Variants in SENP1 observed in about 807,000 individuals in gnomAD.
SENP1 encodes SUMO specific peptidase 1, also known as sentrin-specific protease 1.
Under a neutral mutation model 93.0 loss-of-function variants are expected in SENP1, and 21 were observed. The ratio of observed to expected loss-of-function variants is 0.23; its 90% CI spans 0.16 to 0.33. The LOEUF is 0.33. Among genes scored for constraint, SENP1 ranks in the 10% least tolerant of loss-of-function variants. The pLI is 1.00. For missense variants in SENP1, 591 were observed against 758.7 expected, an observed-to-expected ratio of 0.78 and a Z score of 2.60; for synonymous variants, 256 against 259.6, an observed-to-expected ratio of 0.99 and a Z score of 0.13.
At position 48,063,817 on chromosome 12, in the gene SENP1, C is replaced by T. The variant is rs1334861064; in HGVS notation, c.1300G>A (p.Val434Ile). 1 of 1,611,904 alleles carries T rather than the reference C, an allele frequency of 6.2e-7. No individual in the cohort carries two copies. Among genetic ancestry groups the T allele is most frequent in the Non-Finnish European group, 8.5e-7 (1 of 1,179,142 alleles). Residue 434 changes from valine to isoleucine, a missense_variant, in exon 13 of 18, where the codon GTA (valine) becomes ATA (isoleucine). Transcript: ENST00000549518. ...TEEMEKEIKN[V>I]FRNGNQDEVL... The stretch of plus-strand genomic sequence containing the variant: ...TCATCCTGATTCCCATTACGAAATA[C>T]ATTCTTTATTTCTTTCTCCATTTCC...
intron 6 of SENP1, among the ~76,000 whole-genome samples, chr12:48,077,147 GT>G (rs1944150696): frequency 6.6e-6 from 1 of 152,126 alleles, no homozygotes; most frequent in African/African-American, 2.4e-5. Context: ...TGTTTTCTTG[GT>G]ATTGAGTTGA....
At chr12:48,068,596 G>A (rs1377407588) in intron 9 of SENP1, among the ~76,000 whole-genome samples, 2 of 151,960 alleles carry the variant, frequency 1.3e-5, no homozygotes, top group Admixed American at 1.3e-4. Flanking sequence ...ATAGATGAAA[G>A]CATTAAAAAA....
chr12:48,058,628 T>C (rs996364932), intron 13 of SENP1, among the ~76,000 whole-genome samples: 4 of 152,186 alleles, frequency 2.6e-5, no homozygotes, highest in Non-Finnish European at 5.9e-5. Flanking sequence ...TTTGTCTCCT[T>C]CTTTGTGCTG....
intron 13 of SENP1, among the ~76,000 whole-genome samples, chr12:48,053,354 T>C (rs1355489108): frequency 6.6e-6 from 1 of 151,956 alleles, no homozygotes; most frequent in Non-Finnish European, 1.5e-5. Flanking sequence ...GGCACATTCC[T>C]GTGGTCCCAG....
intron 5 of SENP1, among the ~76,000 whole-genome samples, chr12:48,087,783 T>C (rs561106898): frequency 2.6e-5 from 4 of 152,218 alleles, no homozygotes; most frequent in Non-Finnish European, 4.4e-5. Flanking sequence ...AAAGCCATCT[T>C]GTTGGCTTCT....
In SENP1 at chr12:48,082,552, C is replaced by CTGGAAGCTCTAATGCTATT. The variant is rs542623791; in HGVS notation, c.552+1020_552+1038dup. Among the ~76,000 whole-genome samples the CTGGAAGCTCTAATGCTATT allele has an allele frequency of 4.7e-3, 718 of 152,306 alleles. 7 individuals are homozygous for CTGGAAGCTCTAATGCTATT. The highest frequency in any genetic ancestry group is 0.015 in the African/African-American group (643 of 41,550). ...AACAATAATACACGTGGAAAGTACA[C>CTGGAAGCTCTAATGCTATT]TGGAAGCTCTAATGCTATTTAAATG... On this transcript the variant is annotated intron_variant, in intron 6 of 17. Transcript: ENST00000549518.
intron 6 of SENP1, among the ~76,000 whole-genome samples, chr12:48,082,647 A>T (rs2137126471): frequency 6.6e-6 from 1 of 152,360 alleles, no homozygotes; most frequent in South Asian, 2.1e-4. Context: ...TATGTAATCT[A>T]ACAGATATGT....
intron 5 of SENP1, among the ~76,000 whole-genome samples, chr12:48,084,451 T>TTTTG: frequency 8.8e-6 from 1 of 114,098 alleles, no homozygotes; most frequent in East Asian, 2.0e-4. Flanking sequence ...TTTTGAGTTT[T>TTTTG]TTTTTTTTTT....
intron 4 of SENP1, among the ~76,000 whole-genome samples, chr12:48,090,397 A>G (rs942272863): frequency 6.6e-6 from 1 of 152,234 alleles, no homozygotes; most frequent in African/African-American, 2.4e-5. Context: ...TTTGAGACCA[A>G]GGATAAGTCA....
At chr12:48,070,327 A>T (rs769440391) in intron 9 of SENP1, among the ~76,000 whole-genome samples, 1 of 152,070 alleles carries the variant, frequency 6.6e-6, no homozygotes, top group Non-Finnish European at 1.5e-5. Flanking sequence ...TTTATCAGAG[A>T]CTTTCCATGA....
chr12:48,047,378 A>G (rs1157494164), intron 15 of SENP1, among the ~76,000 whole-genome samples: 3 of 152,120 alleles, frequency 2.0e-5, no homozygotes, highest in Non-Finnish European at 4.4e-5. Flanking sequence ...TCCTTGGTTT[A>G]TATGGTCCTT....
intron 4 of SENP1, among the ~76,000 whole-genome samples, chr12:48,089,691 A>C (rs551193688): frequency 2.0e-4 from 30 of 152,328 alleles, no homozygotes; most frequent in African/African-American, 7.0e-4. Context: ...GTGGTAGAAT[A>C]ATTTCTATAA....
chr12:48,093,128 A>T (rs1945316986), intron 4 of SENP1, among the ~76,000 whole-genome samples: 2 of 152,208 alleles, frequency 1.3e-5, no homozygotes, highest in Non-Finnish European at 1.5e-5. Flanking sequence ...TAACACTTTC[A>T]AGTATAATCT....
chr12:48,056,880 TA>T (rs1400881032), intron 13 of SENP1, among the ~76,000 whole-genome samples: 1 of 65,434 alleles, frequency 1.5e-5, no homozygotes, highest in Non-Finnish European at 2.6e-5. Context: ...ATATTACATA[TA>T]TAATATATTA....
intron 1 of SENP1, chr12:48,105,391 A>G (rs1048438039): frequency 1.9e-6 from 1 of 518,954 alleles, no homozygotes; most frequent in Non-Finnish European, 3.8e-6. Flanking sequence ...GAGACGGTTC[A>G]AGGGAATTAC....
At chr12:48,070,730 C>A (rs981310430) in intron 9 of SENP1, among the ~76,000 whole-genome samples, 1 of 152,082 alleles carries the variant, frequency 6.6e-6, no homozygotes, top group Non-Finnish European at 1.5e-5. Context: ...AATCATTAAA[C>A]CCCTTTAATG....
intron 13 of SENP1, chr12:48,054,764 T>A (rs1257647220): frequency 6.6e-6 from 1 of 152,286 alleles, no homozygotes; most frequent in East Asian, 1.9e-4. Context: ...TACTCCAGCC[T>A]GGGCAACAAG....
intron 3 of SENP1, 39 bp downstream of exon 3, chr12:48,097,955 A>G (rs1417153026): frequency 3.1e-6 from 5 of 1,587,506 alleles, no homozygotes; most frequent in Non-Finnish European, 4.3e-6. Context: ...TGATGAGCCC[A>G]AATAATTAAT....
At chr12:48,064,178 A>G (rs576470981) in intron 12 of SENP1, among the ~76,000 whole-genome samples, 1 of 152,240 alleles carries the variant, frequency 6.6e-6, no homozygotes, top group Non-Finnish European at 1.5e-5. Context: ...TCTGGTCCAA[A>G]TGACTTCCTG....
Sources: allele counts gnomAD v4.1 joint callset (sites outside exome capture counted in the v4.1 genomes callset), GRCh38; gene constraint gnomAD v4.1.1; transcripts MANE v1.5; gene names NCBI Gene and HGNC (gene_info 2026-07-23, HGNC 2026-07-21).